The following CPEB4 variants were observed in gnomAD, a reference collection of about 807,000 sequenced individuals.
The protein encoded by CPEB4 is cytoplasmic polyadenylation element binding protein 4, also known as cytoplasmic polyadenylation element-binding protein 4.
A neutral mutation model predicts 72.5 loss-of-function variants in CPEB4; 12 were observed. The observed-to-expected ratio is 0.17, with a 90% CI of 0.11 to 0.27. The LOEUF is 0.27. Among genes scored for constraint, CPEB4 ranks in the 10% least tolerant of loss-of-function variants. The pLI is 1.00. For missense variants in CPEB4, 614 were observed against 908.5 expected, an observed-to-expected ratio of 0.68 and a Z score of 4.17; for synonymous variants, 302 against 326.3, an observed-to-expected ratio of 0.93 and a Z score of 0.80.
intron 2 of CPEB4, 80 bp from the exon 3 acceptor site, chr5:173,932,370 T>A: frequency 2.9e-6 from 3 of 1,047,484 alleles, no homozygotes; most frequent in Non-Finnish European, 4.3e-6. Context: ...TGAAAGCAAG[T>A]CAATTCAGCT....
chr5:173,953,101 G>T lies in CPEB4; in HGVS notation c.1791G>T (p.Ala597=). ...VPRPLRAVEL[A]MIMDRLYGGV... ...TCCTTTCTTAATTAGTGGAGCTTGC[G>T]ATGATAATGGATCGGCTATATGGAG... Residue 597 remains alanine, a synonymous_variant, in exon 9 of 10, where the codon GCG becomes GCT. Coordinates refer to ENST00000265085, the MANE Select transcript of CPEB4 (RefSeq NM_030627.4). 2 of 1,600,062 alleles carry T rather than the reference G, an allele frequency of 1.2e-6. No homozygotes were observed. Among genetic ancestry groups the T allele is most frequent in the Non-Finnish European group, 8.5e-7 (1 of 1,172,402 alleles).
rs149568017 is a variant in CPEB4 at position 173,890,203 on chromosome 5, C to T, written c.470C>T (p.Pro157Leu). The part of the protein sequence containing the change: ...EATGLGTSTQ[P>L]LTSSASSLTG... ...ACTGGGCTAGGTACTTCAACCCAAC[C>T]CTTGACATCTAGCGCATCGTCTCTT... The change falls in exon 1 of 10, where the codon CCC becomes CTC. Residue 157 changes from proline to leucine, a missense_variant. Coordinates refer to ENST00000265085, the MANE Select transcript of CPEB4 (RefSeq NM_030627.4). The T allele has an allele frequency of 4.3e-6, 7 of 1,614,054 alleles. No individual in the cohort carries two copies. The Admixed American group carries it at 8.3e-5, about 19-fold the overall frequency.
intron 5 of CPEB4, among the ~76,000 whole-genome samples, chr5:173,948,451 C>T (rs2113288132): frequency 6.6e-6 from 1 of 152,252 alleles, no homozygotes; most frequent in East Asian, 1.9e-4. Flanking sequence ...AGCAGGATCA[C>T]TTAAGTTCAA....
At position 173,888,810 on chromosome 5, in the gene CPEB4, ACCTTCCAGGTCGCCCCCTCGGT is replaced by A; in HGVS notation, c.-921_-900del. ...GAGGGGAAGAGGCAGAAACCGCAGG[ACCTTCCAGGTCGCCCCCTCGGT>A]CCCCGCACCCCCAGGCCGCCCGCTC... On this transcript the variant is annotated 5_prime_UTR_variant, in exon 1 of 10. The change creates a premature stop within an existing upstream ORF in the 5' untranslated region. Coordinates refer to ENST00000265085, the MANE Select transcript of CPEB4 (RefSeq NM_030627.4). This position sits in a 1 kb window ranked among gnomAD's most constrained non-coding sequence, Gnocchi z 4.3. 2.9e-6 allele frequency: 1 copy of A among 342,796 alleles called. No homozygotes were observed. Among genetic ancestry groups the A allele is most frequent in the Middle Eastern group, 7.4e-4 (1 of 1,352 alleles). 21.2% of individuals were successfully genotyped at this position (342,796 alleles called of 1,614,324 possible).
chr5:173,952,692 A>C (rs530150290), intron 8 of CPEB4, among the ~76,000 whole-genome samples: 9 of 152,320 alleles, frequency 5.9e-5, no homozygotes, highest in African/African-American at 1.9e-4. Context: ...GTGTTCAAGT[A>C]ATTATTACAT....
At chr5:173,893,182 A>T (rs1755878901) in intron 1 of CPEB4, 1 of 152,236 alleles carries the variant, frequency 6.6e-6, no homozygotes, top group Admixed American at 6.5e-5. Flanking sequence ...AAGTCTAAAG[A>T]AGTAAGTAAA....
intron 2 of CPEB4, among the ~76,000 whole-genome samples, chr5:173,913,467 G>A (rs1756753777): frequency 1.3e-5 from 2 of 152,258 alleles, no homozygotes; most frequent in Middle Eastern, 3.4e-3. Context: ...CAAAGTGCTG[G>A]GATTACAGGC....
chr5:173,934,918 A>G (rs1757569179), intron 3 of CPEB4, among the ~76,000 whole-genome samples: 1 of 152,204 alleles, frequency 6.6e-6, no homozygotes, highest in Non-Finnish European at 1.5e-5. Context: ...AATTAACCTC[A>G]TTCATGTATT....
At chr5:173,944,757 C>T (rs1561629815) in intron 4 of CPEB4, among the ~76,000 whole-genome samples, 1 of 152,148 alleles carries the variant, frequency 6.6e-6, no homozygotes, top group Non-Finnish European at 1.5e-5. Flanking sequence ...GAGTCGCCTT[C>T]TATTAATATT....
At chr5:173,908,076 A>G (rs1756509367) in intron 1 of CPEB4, among the ~76,000 whole-genome samples, 1 of 152,216 alleles carries the variant, frequency 6.6e-6, no homozygotes, top group African/African-American at 2.4e-5. Flanking sequence ...TCCAGCAACT[A>G]TAGAATGAGA....
At chr5:173,941,231 G>A (rs972668122) in intron 3 of CPEB4, among the ~76,000 whole-genome samples, 2 of 152,154 alleles carry the variant, frequency 1.3e-5, no homozygotes, top group Admixed American at 1.3e-4. Context: ...TGAATAGAAT[G>A]TTCGTAAACA....
intron 1 of CPEB4, among the ~76,000 whole-genome samples, chr5:173,896,840 A>T (rs1756033217): frequency 6.6e-6 from 1 of 152,196 alleles, no homozygotes. Context: ...TGGACGGATC[A>T]CTTGAGCCCA....
chr5:173,907,398 C>T (rs4867732), intron 1 of CPEB4, among the ~76,000 whole-genome samples: 1 of 152,150 alleles, frequency 6.6e-6, no homozygotes, highest in Non-Finnish European at 1.5e-5. Flanking sequence ...CAAAACCAGT[C>T]TATATTTTTT....
chr5:173,953,303 T>C lies in CPEB4; in HGVS notation c.1962+31T>C, dbSNP rs375308548. Reference sequence around the variant, plus strand: ...CCTTATACTACATTTTGGAAAATTCTAGAAATGGTCCTCTAAATGTGTGAT... The same window carrying C: ...CCTTATACTACATTTTGGAAAATTCCAGAAATGGTCCTCTAAATGTGTGAT... On this transcript the variant is annotated intron_variant, in intron 9 of 9. Transcript: ENST00000265085. 8.5e-4 allele frequency: 1,209 copies of C among 1,424,832 alleles called. 7 individuals carry two copies. Among genetic ancestry groups the C allele is most frequent in the South Asian group, 7.6e-3 (456 of 59,976 alleles). 88.3% of individuals were successfully genotyped at this position (1,424,832 alleles called of 1,614,324 possible).
intron 2 of CPEB4, among the ~76,000 whole-genome samples, chr5:173,921,887 G>A (rs909152018): frequency 3.3e-5 from 5 of 152,208 alleles, no homozygotes; most frequent in Admixed American, 2.6e-4. Flanking sequence ...AAGTGAAAGG[G>A]TGCTTACCTC....
At position 173,890,579 on chromosome 5, in the gene CPEB4, C is replaced by A. The variant is rs369311710; in HGVS notation, c.846C>A (p.Pro282=). Residue 282 remains proline, a synonymous_variant, in exon 1 of 10, where the codon CCC becomes CCA. Transcript: ENST00000265085. The part of the protein sequence containing the change: ...PHLANNLNKP[P]SPWSSYQSPS... Reference sequence around the variant, plus strand: ...TGGCGAATAATCTTAACAAACCCCCCTCTCCGTGGAGCAGCTACCAGAGTC... The same window carrying A: ...TGGCGAATAATCTTAACAAACCCCCATCTCCGTGGAGCAGCTACCAGAGTC... The A allele has an allele frequency of 1.9e-6, 3 of 1,614,172 alleles. No individual in the cohort carries two copies. Among genetic ancestry groups the A allele is most frequent in the Non-Finnish European group, 2.5e-6 (3 of 1,180,018 alleles).
intron 1 of CPEB4, among the ~76,000 whole-genome samples, chr5:173,895,624 C>T (rs1479225303): frequency 6.6e-6 from 1 of 152,150 alleles, no homozygotes; most frequent in African/African-American, 2.4e-5. Flanking sequence ...AGTATCGTTC[C>T]AAGAAGGATC....
rs1757157984 is a variant in CPEB4 at position 173,923,976 on chromosome 5, A to G, written c.1208-8474A>G. Among the ~76,000 whole-genome samples the G allele has an allele frequency of 2.0e-5, 3 of 152,120 alleles. No individual in the cohort carries two copies. The South Asian group carries it at 6.2e-4, about 31-fold the overall frequency. On this transcript the variant is annotated intron_variant, in intron 2 of 9. Transcript: ENST00000265085. ...TCCTTAATTGGGTCAGCTTCTTACT[A>G]GTTTCTCTCTGGACATTCCCTTCTG...
intron 3 of CPEB4, 121 bp from the exon 4 acceptor site, chr5:173,942,905 A>T: frequency 1.1e-6 from 1 of 952,106 alleles, no homozygotes; most frequent in Non-Finnish European, 1.6e-6. Flanking sequence ...GAAATGAAGA[A>T]TATAGTCACA....
Sources: allele counts gnomAD v4.1 joint callset (sites outside exome capture counted in the v4.1 genomes callset), GRCh38; gene constraint gnomAD v4.1.1; non-coding constraint Gnocchi (gnomAD v3.1); transcripts MANE v1.5; gene names NCBI Gene and HGNC (gene_info 2026-07-23, HGNC 2026-07-21).